The following GSE1 variants were observed in gnomAD, a reference collection of about 807,000 sequenced individuals.
GSE1 encodes the protein genetic suppressor element 1.
A neutral mutation model predicts 112.6 loss-of-function variants in GSE1; 32 were observed. The observed-to-expected ratio is 0.28, with a 90% CI of 0.21 to 0.38. The LOEUF is 0.38. Ranked by LOEUF, GSE1 falls within the 10% of genes least tolerant of loss-of-function variation. The pLI, the probability that GSE1 is intolerant of heterozygous loss-of-function variation, is 1.00. For missense variants in GSE1, 2,348 were observed against 1,699.2 expected, an observed-to-expected ratio of 1.38 and a Z score of -6.71; for synonymous variants, 1,115 against 735.6, an observed-to-expected ratio of 1.52 and a Z score of -8.35.
intron 1 of GSE1, among the ~76,000 whole-genome samples, chr16:85,213,601 C>A (rs936670830): frequency 3.3e-5 from 5 of 152,256 alleles, no homozygotes; most frequent in Admixed American, 6.5e-5. Flanking sequence ...GGCTATGGCT[C>A]CTGCACGGAT....
chr16:85,582,933 G>T (rs2046514162), intron 1 of GSE1, among the ~76,000 whole-genome samples: 1 of 152,200 alleles, frequency 6.6e-6, no homozygotes. Flanking sequence ...TTAATAATTT[G>T]CTGTAAAGTC....
intron 1 of GSE1, among the ~76,000 whole-genome samples, chr16:85,587,506 T>C (rs1249936967): frequency 1.3e-5 from 2 of 152,114 alleles, no homozygotes; most frequent in African/African-American, 4.8e-5. Context: ...ACCGTGCACC[T>C]GCTGGGCTCC....
At chr16:85,445,959 A>G (rs1290733648) in intron 2 of GSE1, among the ~76,000 whole-genome samples, 1 of 152,200 alleles carries the variant, frequency 6.6e-6, no homozygotes, top group Non-Finnish European at 1.5e-5. Flanking sequence ...ATGGGCAAAT[A>G]ATGGCATTTA....
intron 1 of GSE1, among the ~76,000 whole-genome samples, chr16:85,354,472 G>C (rs2046910262): frequency 6.6e-6 from 1 of 152,238 alleles, no homozygotes; most frequent in Non-Finnish European, 1.5e-5. Flanking sequence ...TGAGTGGAGG[G>C]TGAGCCTCAC....
intron 1 of GSE1, among the ~76,000 whole-genome samples, chr16:85,577,752 G>A (rs1023622435): frequency 4.6e-5 from 7 of 152,178 alleles, no homozygotes; most frequent in African/African-American, 1.7e-4. Flanking sequence ...CCCTTGCCCA[G>A]GAGTTTTAGG....
intron 2 of GSE1, among the ~76,000 whole-genome samples, chr16:85,474,276 C>T (rs903767228): frequency 3.3e-5 from 5 of 152,088 alleles, no homozygotes; most frequent in Admixed American, 2.0e-4. Context: ...TCCACCCCGC[C>T]GGCCCGTGCT....
chr16:85,388,329 T>TGTATGGCTGGGTAGATGGGTGA (rs1208326396), intron 2 of GSE1, among the ~76,000 whole-genome samples: 1 of 78,248 alleles, frequency 1.3e-5, no homozygotes, highest in Non-Finnish European at 2.6e-5. Context: ...GATGGATGGA[T>TGTATGGCTGGGTAGATGGGTGA]GAATGGATGT....
At chr16:85,397,281 C>T (rs1470637131) in intron 2 of GSE1, among the ~76,000 whole-genome samples, 1 of 152,210 alleles carries the variant, frequency 6.6e-6, no homozygotes, top group African/African-American at 2.4e-5. Flanking sequence ...ACTGGAGGGC[C>T]CAGGGCCACA....
chr16:85,612,358 A>G (rs2048048113), upstream of GSE1, among the ~76,000 whole-genome samples: 1 of 151,552 alleles, frequency 6.6e-6, no homozygotes, highest in Non-Finnish European at 1.5e-5. Context: ...TCCCTGAGTC[A>G]TTCCAGTCAA....
intron 1 of GSE1, among the ~76,000 whole-genome samples, chr16:85,272,012 C>G (rs374122679): frequency 1.2e-4 from 18 of 152,346 alleles, no homozygotes; most frequent in African/African-American, 4.3e-4. Flanking sequence ...TCACCCCTTC[C>G]CTCTGGTGGA....
At chr16:85,465,088 C>T (rs1440478555) in intron 2 of GSE1, among the ~76,000 whole-genome samples, 1 of 152,266 alleles carries the variant, frequency 6.6e-6, no homozygotes, top group Non-Finnish European at 1.5e-5. Context: ...CGCCCCCAGC[C>T]AGCCATCTGT....
At chr16:85,541,234 G>T (rs2044506951) in intron 2 of GSE1, among the ~76,000 whole-genome samples, 1 of 152,246 alleles carries the variant, frequency 6.6e-6, no homozygotes, top group African/African-American at 2.4e-5. Context: ...GACCACCTGG[G>T]GGTTCCCCGG....
In GSE1 at chr16:85,634,089, C is replaced by T. The variant is rs572129976; in HGVS notation, c.183C>T (p.Ala61=). Residue 61 remains alanine (A), a synonymous_variant, in exon 2 of 16, where the codon GCC becomes GCT. Coordinates refer to ENST00000253458, the MANE Select transcript of GSE1 (RefSeq NM_014615.5). ...SAQAAPSSSF[A]AALRKLAKQA... ...AGGCCGCGCCATCCTCCAGCTTTGC[C>T]GCCGCGCTGCGCAAGCTCGCCAAAC... 8.0e-5 allele frequency: 127 copies of T among 1,589,572 alleles called. 3 individuals carry two copies. The South Asian group carries it at 1.1e-3, about 14-fold the overall frequency.
At chr16:85,319,820 G>A (rs184399964) in intron 1 of GSE1, among the ~76,000 whole-genome samples, 12 of 152,228 alleles carry the variant, frequency 7.9e-5, no homozygotes, top group Admixed American at 3.3e-4. Context: ...CAAATGGTAC[G>A]CATTCAGTAC....
At chr16:85,394,147 C>T (rs1157975061) in intron 2 of GSE1, among the ~76,000 whole-genome samples, 2 of 150,524 alleles carry the variant, frequency 1.3e-5, no homozygotes, top group Admixed American at 6.6e-5. Context: ...AAGGCTCAGC[C>T]GTGACTGCTG....
intron 1 of GSE1, among the ~76,000 whole-genome samples, chr16:85,591,045 C>T (rs1295030824): frequency 6.6e-6 from 1 of 152,200 alleles, no homozygotes; most frequent in Non-Finnish European, 1.5e-5. Context: ...CCGAGGGCCA[C>T]CCTGCCCTTT....
intron 2 of GSE1, among the ~76,000 whole-genome samples, chr16:85,529,210 G>A (rs775488497): frequency 3.3e-5 from 5 of 152,106 alleles, no homozygotes; most frequent in South Asian, 2.1e-4. Flanking sequence ...GTGTCAAGCC[G>A]CCAGGAGGTT....
At chr16:85,572,267 ACAC>A (rs1167488142) in intron 1 of GSE1, among the ~76,000 whole-genome samples, 1 of 143,910 alleles carries the variant, frequency 6.9e-6, no homozygotes, top group African/African-American at 2.6e-5. Context: ...AACCACACAC[ACAC>A]CAACACACCA....
intron 1 of GSE1, among the ~76,000 whole-genome samples, chr16:85,312,347 C>T (rs919428351): frequency 6.6e-5 from 10 of 152,298 alleles, no homozygotes; most frequent in South Asian, 4.1e-4. Flanking sequence ...AGTCCACAGT[C>T]GAGCTGTTGG....
Sources: gnomAD v4.1 joint callset for allele counts (sites outside exome capture counted in the v4.1 genomes callset) on GRCh38, gnomAD v4.1.1 for gene constraint, MANE v1.5 for transcripts, NCBI Gene and HGNC (gene_info 2026-07-23, HGNC 2026-07-21) for gene names.